Variants in DACH2 observed in about 807,000 individuals in gnomAD.
DACH2 encodes dachshund homolog 2.
A neutral mutation model predicts 35.8 loss-of-function variants in DACH2; 17 were observed. That is an observed-to-expected ratio of 0.48 (90% CI 0.33 to 0.71). The LOEUF is 0.71. DACH2 is among the 30% of genes least tolerant of loss of function. DACH2 has a pLI of 0.02. For missense variants in DACH2, 469 were observed against 472.7 expected, an observed-to-expected ratio of 0.99 and a Z score of 0.07; for synonymous variants, 195 against 177.3, an observed-to-expected ratio of 1.10 and a Z score of -0.79.
chrX:86,530,336 A>G (rs1355637568), intron 3 of DACH2, among the ~76,000 whole-genome samples: 1 of 112,052 alleles, frequency 8.9e-6, no homozygotes, highest in Non-Finnish European at 1.9e-5. Context: ...CTGTGTCCTC[A>G]TGCAAATCTC....
At chrX:86,414,051 G>A (rs770302120) in intron 2 of DACH2, among the ~76,000 whole-genome samples, 33 of 111,268 alleles carry the variant, frequency 3.0e-4, no homozygotes, top group Admixed American at 1.4e-3. Flanking sequence ...ATGTGAGAAA[G>A]GTTCACTGCA....
intron 1 of DACH2, among the ~76,000 whole-genome samples, chrX:86,296,587 T>G (rs949539640): frequency 9.0e-6 from 1 of 110,924 alleles, no homozygotes; most frequent in Non-Finnish European, 1.9e-5. Flanking sequence ...ATAATCTTAT[T>G]TTTTCATTAT....
chrX:86,647,483 G>C (rs948835486), intron 3 of DACH2, among the ~76,000 whole-genome samples: 1 of 110,696 alleles, frequency 9.0e-6, no homozygotes, highest in Non-Finnish European at 1.9e-5. Flanking sequence ...TCAAACTCAT[G>C]GAAGCAGATA....
intron 1 of DACH2, among the ~76,000 whole-genome samples, chrX:86,178,891 A>G (rs746342730): frequency 6.8e-4 from 76 of 112,142 alleles, no homozygotes; most frequent in African/African-American, 2.2e-3. Context: ...AAAAGAGCAA[A>G]TTGCAGAATA....
chrX:86,328,514 A>C (rs999973003), intron 1 of DACH2, among the ~76,000 whole-genome samples: 1 of 111,985 alleles, frequency 8.9e-6, no homozygotes. Context: ...ATATTTTTGA[A>C]CTTGTCTCTC....
At chrX:86,577,109 A>T (rs1038112797) in intron 3 of DACH2, among the ~76,000 whole-genome samples, 1 of 112,161 alleles carries the variant, frequency 8.9e-6, no homozygotes, top group Non-Finnish European at 1.9e-5. Context: ...TTTATACTAT[A>T]TGTCAGGTAC....
chrX:86,531,737 C>T (rs985775859), intron 3 of DACH2, among the ~76,000 whole-genome samples: 16 of 112,583 alleles, frequency 1.4e-4, no homozygotes, highest in Non-Finnish European at 2.3e-4. Flanking sequence ...CACACAGCAT[C>T]CCCACTGGGA....
chrX:86,500,492 T>TA (rs763343408), intron 2 of DACH2, among the ~76,000 whole-genome samples: 4 of 111,286 alleles, frequency 3.6e-5, no homozygotes, highest in Non-Finnish European at 7.6e-5. Flanking sequence ...AATAAAACTG[T>TA]AAAAAAAATG....
intron 3 of DACH2, among the ~76,000 whole-genome samples, chrX:86,578,973 T>C (rs1381989180): frequency 1.8e-5 from 2 of 112,252 alleles, no homozygotes; most frequent in Admixed American, 1.9e-4. Context: ...TATCGTGACA[T>C]GAATTTACTT....
At chrX:86,291,011 G>A (rs1312690318) in intron 1 of DACH2, among the ~76,000 whole-genome samples, 1 of 106,173 alleles carries the variant, frequency 9.4e-6, no homozygotes, top group African/African-American at 3.5e-5. Flanking sequence ...AAATTACCTT[G>A]GGCAGTATGG....
At chrX:86,556,795 T>TATAGAG (rs1232719385) in intron 3 of DACH2, among the ~76,000 whole-genome samples, 49 of 25,268 alleles carry the variant, frequency 1.9e-3, no homozygotes, top group Non-Finnish European at 1.8e-3. Flanking sequence ...TATATATATA[T>TATAGAG]AGAGAGAGAG....
At chrX:86,730,702 TTAGA>T (rs1301237897) in intron 6 of DACH2, among the ~76,000 whole-genome samples, 1 of 112,022 alleles carries the variant, frequency 8.9e-6, no homozygotes, top group East Asian at 2.8e-4. Context: ...GATTAAGTAT[TTAGA>T]TAGACAAAAT....
intron 5 of DACH2, among the ~76,000 whole-genome samples, chrX:86,698,895 A>G (rs1403724050): frequency 2.7e-5 from 3 of 111,199 alleles, no homozygotes; most frequent in Non-Finnish European, 5.6e-5. Flanking sequence ...AAAACAACAT[A>G]AGCAGGAGTA....
chrX:86,218,322 A>G (rs1602295619), intron 1 of DACH2, among the ~76,000 whole-genome samples: 1 of 111,940 alleles, frequency 8.9e-6, no homozygotes, highest in East Asian at 2.8e-4. Context: ...ATGTTATACA[A>G]GTGTTTTGTA....
At chrX:86,540,585 T>C (rs1228158670) in intron 3 of DACH2, among the ~76,000 whole-genome samples, 1 of 112,561 alleles carries the variant, frequency 8.9e-6, no homozygotes, top group African/African-American at 3.2e-5. Context: ...AAATTGTGAC[T>C]ATTGATCGGG....
intron 1 of DACH2, among the ~76,000 whole-genome samples, chrX:86,314,669 T>C (rs1463750269): frequency 8.9e-6 from 1 of 111,977 alleles, no homozygotes; most frequent in Non-Finnish European, 1.9e-5. Flanking sequence ...GCTACATCAG[T>C]GAACGTATAG....
intron 3 of DACH2, among the ~76,000 whole-genome samples, chrX:86,611,477 C>A (rs1049903513): frequency 2.7e-5 from 3 of 111,051 alleles, no homozygotes; most frequent in African/African-American, 9.8e-5. Flanking sequence ...CAGCTCTGCA[C>A]TAGGACTTGC....
At chrX:86,522,252 G>C (rs2038565846) in intron 3 of DACH2, among the ~76,000 whole-genome samples, 1 of 111,443 alleles carries the variant, frequency 9.0e-6, no homozygotes, top group African/African-American at 3.3e-5. Context: ...ATAAGTGTGT[G>C]TGTATGTGAA....
intron 1 of DACH2, among the ~76,000 whole-genome samples, chrX:86,189,983 G>A (rs1340516176): frequency 9.1e-6 from 1 of 109,347 alleles, no homozygotes; most frequent in African/African-American, 3.3e-5. Flanking sequence ...GGCCAACATG[G>A]TGAAACCCCG....
Sources: allele counts gnomAD v4.1 joint callset (sites outside exome capture counted in the v4.1 genomes callset), GRCh38; gene constraint gnomAD v4.1.1; transcripts MANE v1.5; gene names NCBI Gene and HGNC (gene_info 2026-07-23, HGNC 2026-07-21).